NRCAM: variants seen among roughly 807,000 people sequenced by gnomAD.
NRCAM encodes the protein NgCAM-related cell adhesion molecule.
A neutral mutation model predicts 156.5 loss-of-function variants in NRCAM; 83 were observed. That is an observed-to-expected ratio of 0.53 (90% confidence interval 0.44 to 0.64). NRCAM has a LOEUF of 0.64. NRCAM is among the 30% of genes least tolerant of loss of function. The pLI is 0.00. For missense variants in NRCAM, 1,417 were observed against 1,597.3 expected (o/e 0.89, Z 1.92); for synonymous variants, 538 against 563.9 (o/e 0.95, Z 0.65).
chr7:108,449,974 T>C (rs1036108531), intron 1 of NRCAM, among the ~76,000 whole-genome samples: 16 of 151,918 alleles, frequency 1.1e-4, no homozygotes, highest in Admixed American at 9.8e-4. Context: ...TTTAAACATA[T>C]ATATATATTC....
chr7:108,260,758 A>C (rs1430995005), intron 3 of NRCAM, among the ~76,000 whole-genome samples: 1 of 152,076 alleles, frequency 6.6e-6, no homozygotes, highest in Non-Finnish European at 1.5e-5. Context: ...GGAACAAGAG[A>C]TGGGGAGGCC....
intron 19 of NRCAM, among the ~76,000 whole-genome samples, chr7:108,190,490 A>G (rs917261845): frequency 1.3e-5 from 2 of 152,020 alleles, no homozygotes; most frequent in Admixed American, 1.3e-4. Context: ...TTTTTTTCTT[A>G]TCAGTCATAA....
chr7:108,265,219 G>C (rs1455978349), intron 3 of NRCAM, among the ~76,000 whole-genome samples: 1 of 152,166 alleles, frequency 6.6e-6, no homozygotes, highest in Non-Finnish European at 1.5e-5. Context: ...GTAGGGACCT[G>C]GTGCTTTGCA....
chr7:108,262,919 C>A (rs1199841767), intron 3 of NRCAM, among the ~76,000 whole-genome samples: 2 of 147,272 alleles, frequency 1.4e-5, no homozygotes, highest in African/African-American at 2.4e-5. Context: ...ACTACAGACT[C>A]CCTTGGTGCA....
intron 3 of NRCAM, among the ~76,000 whole-genome samples, chr7:108,311,754 T>G (rs150687625): frequency 1.6e-4 from 25 of 152,288 alleles, no homozygotes; most frequent in African/African-American, 5.1e-4. Flanking sequence ...CAAAAGGACA[T>G]CTCAATGGAT....
chr7:108,415,819 T>C (rs1385540582), intron 1 of NRCAM, among the ~76,000 whole-genome samples: 1 of 152,096 alleles, frequency 6.6e-6, no homozygotes, highest in Non-Finnish European at 1.5e-5. Flanking sequence ...GAGATGGAGG[T>C]TGCAGTGAGC....
chr7:108,388,429 G>A (rs1162741952), intron 2 of NRCAM, among the ~76,000 whole-genome samples: 1 of 152,136 alleles, frequency 6.6e-6, no homozygotes, highest in Non-Finnish European at 1.5e-5. Flanking sequence ...TTGTAAATTT[G>A]TTTAAGTTCT....
rs189622683 is a variant in NRCAM, at chr7:108,221,318, T to G, written c.890+2407A>C. 2.5e-3 allele frequency among the ~76,000 whole-genome samples: 387 copies of G among 152,284 alleles called. 4 individuals carry two copies. Among genetic ancestry groups the G allele is most frequent in the African/African-American group, 9.0e-3 (372 of 41,564 alleles). On this transcript the variant is annotated intron_variant, in intron 11 of 32. Coordinates refer to ENST00000379028, the MANE Select transcript of NRCAM (RefSeq NM_001037132.4). ...TTCCTTAAAGTACCAAAAGTAGAAC[T>G]GCCATTTCATCCAGGAATCCCACCA...
chr7:108,242,449 T>C (rs1286163146), intron 3 of NRCAM, among the ~76,000 whole-genome samples: 1 of 152,120 alleles, frequency 6.6e-6, no homozygotes, highest in Non-Finnish European at 1.5e-5. Flanking sequence ...CACTCAACCA[T>C]TTCTGAACAA....
At chr7:108,301,694 A>G (rs2098619040) in intron 3 of NRCAM, among the ~76,000 whole-genome samples, 1 of 152,228 alleles carries the variant, frequency 6.6e-6, no homozygotes, top group East Asian at 1.9e-4. Context: ...GCTCTTTTCC[A>G]TTTGATTGAA....
intron 3 of NRCAM, among the ~76,000 whole-genome samples, chr7:108,242,258 C>A (rs77692095): frequency 8.1e-3 from 793 of 98,262 alleles, no homozygotes; most frequent in Middle Eastern, 0.017. Context: ...GACCCCGTCT[C>A]AAAAAAAAAA....
At chr7:108,259,300 T>A (rs1156919945) in intron 3 of NRCAM, among the ~76,000 whole-genome samples, 1 of 152,228 alleles carries the variant, frequency 6.6e-6, no homozygotes, top group Non-Finnish European at 1.5e-5. Context: ...AACTGTTGAA[T>A]AATTGGTTAA....
intron 2 of NRCAM, among the ~76,000 whole-genome samples, chr7:108,333,278 A>C (rs1331514867): frequency 6.6e-6 from 1 of 152,156 alleles, no homozygotes; most frequent in Non-Finnish European, 1.5e-5. Flanking sequence ...AAACACATAC[A>C]CGCACACACA....
In NRCAM at chr7:108,184,274, T is replaced by C. The variant is rs767929641; in HGVS notation, c.2271A>G (p.Gly757=). 1.1e-5 allele frequency: 18 copies of C among 1,614,070 alleles called. No homozygotes were observed. In the South Asian group the frequency reaches 1.6e-4, roughly 15 times the overall value. The part of the protein sequence containing the change: ...DKNPTAVEGL[G]SEPDNLVITW... Reference sequence around the variant, plus strand: ...TAATCACCAAATTATCAGGCTCTGATCCCAGTCCTTCCACAGCTGTGGGGT... The same window carrying C: ...TAATCACCAAATTATCAGGCTCTGACCCCAGTCCTTCCACAGCTGTGGGGT... The change falls in exon 22 of 33, where the codon GGA becomes GGG. Residue 757 remains glycine, a synonymous_variant. Transcript: ENST00000379028.
intron 30 of NRCAM, among the ~76,000 whole-genome samples, chr7:108,164,412 G>C (rs924462974): frequency 6.6e-6 from 1 of 152,104 alleles, no homozygotes; most frequent in Non-Finnish European, 1.5e-5. Flanking sequence ...AATAACTATA[G>C]ATAAAGTTGA....
intron 3 of NRCAM, among the ~76,000 whole-genome samples, chr7:108,300,513 T>C (rs2098583663): frequency 6.6e-6 from 1 of 152,154 alleles, no homozygotes; most frequent in African/African-American, 2.4e-5. Context: ...GAGATCCTTC[T>C]AGAAAACATT....
chr7:108,297,546 T>C (rs372919608), intron 3 of NRCAM, among the ~76,000 whole-genome samples: 13 of 152,356 alleles, frequency 8.5e-5, no homozygotes, highest in East Asian at 7.7e-4. Flanking sequence ...CATTCATTCA[T>C]TCATTTGTTC....
intron 3 of NRCAM, among the ~76,000 whole-genome samples, chr7:108,243,643 T>C (rs2095692868): frequency 6.6e-6 from 1 of 152,124 alleles, no homozygotes; most frequent in Admixed American, 6.5e-5. Flanking sequence ...ACAAAAAATA[T>C]TTGCCAGATA....
In NRCAM at chr7:108,160,498, A is replaced by G; in HGVS notation, c.3467-6T>C. The G allele has an allele frequency of 6.2e-7, 1 of 1,612,920 alleles. No homozygotes were observed. Among genetic ancestry groups the G allele is most frequent in the Non-Finnish European group, 8.5e-7 (1 of 1,179,428 alleles). ...CACCTGCCGGCTTGCCATCGCTGGA[A>G]AACAAATCAATGGTGTTGGTGGCAA... is the stretch of plus-strand genomic sequence containing the variant. On this transcript the variant is annotated splice_polypyrimidine_tract_variant and splice_region_variant and intron_variant, in intron 30 of 32. Coordinates refer to ENST00000379028, the MANE Select transcript of NRCAM (RefSeq NM_001037132.4).
Sources: allele counts gnomAD v4.1 joint callset (sites outside exome capture counted in the v4.1 genomes callset), GRCh38; gene constraint gnomAD v4.1.1; transcripts MANE v1.5; gene names NCBI Gene and HGNC (gene_info 2026-07-23, HGNC 2026-07-21).